NFIB: variants seen among roughly 807,000 people sequenced by gnomAD.
The protein encoded by NFIB is nuclear factor 1 B-type.
Under a neutral mutation model 61.5 loss-of-function variants are expected in NFIB, and 11 were observed. The observed-to-expected ratio is 0.18, with a 90% CI of 0.11 to 0.30. The LOEUF (loss-of-function observed/expected upper bound fraction) is 0.30, where lower values mean the gene tolerates loss of function less well. Among genes scored for constraint, NFIB ranks in the 10% least tolerant of loss-of-function variants. NFIB has a pLI of 1.00. For missense variants in NFIB, 471 were observed against 608.9 expected, an observed-to-expected ratio of 0.77 and a Z score of 2.38; for synonymous variants, 260 against 216.5, an observed-to-expected ratio of 1.20 and a Z score of -1.76.
At chr9:14,260,748 A>G (rs1271717491) in intron 2 of NFIB, among the ~76,000 whole-genome samples, 2 of 152,176 alleles carry the variant, frequency 1.3e-5, no homozygotes, top group African/African-American at 4.8e-5. Context: ...TTGACAACCA[A>G]TCACAGATCT....
chr9:14,136,293 TCAAA>T (rs940856351), intron 6 of NFIB, among the ~76,000 whole-genome samples: 2 of 152,130 alleles, frequency 1.3e-5, no homozygotes, highest in Admixed American at 6.6e-5. Flanking sequence ...AGAAAAAACA[TCAAA>T]CAATTATGCA....
At chr9:14,358,368 G>A (rs2061200919) in intron 1 of NFIB, among the ~76,000 whole-genome samples, 2 of 152,070 alleles carry the variant, frequency 1.3e-5, no homozygotes, top group Admixed American at 6.6e-5. Flanking sequence ...TGGGATAAAT[G>A]TGTCCAGGCT....
At chr9:14,470,091 A>C in the NFIB span, among the ~76,000 whole-genome samples, 3 of 152,242 alleles carry the variant, frequency 2.0e-5, no homozygotes, top group African/African-American at 7.2e-5. Context: ...TCTGTGCCTC[A>C]GTTTATTTAT....
intron 1 of NFIB, among the ~76,000 whole-genome samples, chr9:14,367,864 C>A (rs966359342): frequency 1.3e-5 from 2 of 152,116 alleles, no homozygotes; most frequent in African/African-American, 4.8e-5. Flanking sequence ...GAACATCACA[C>A]ACCGGGGCCT....
the NFIB span, among the ~76,000 whole-genome samples, chr9:14,488,231 C>T: frequency 6.6e-6 from 1 of 151,912 alleles, no homozygotes; most frequent in Admixed American, 6.6e-5. Flanking sequence ...GGTATAGTGG[C>T]CCAAGCCTGT....
At chr9:14,433,473 G>C in the NFIB span, among the ~76,000 whole-genome samples, 1 of 152,130 alleles carries the variant, frequency 6.6e-6, no homozygotes, top group East Asian at 1.9e-4. Context: ...TGCAATTACT[G>C]ATAAGGGACA....
chr9:14,275,494 G>C (rs1449105832), intron 2 of NFIB, among the ~76,000 whole-genome samples: 2 of 152,140 alleles, frequency 1.3e-5, no homozygotes, highest in East Asian at 3.9e-4. Flanking sequence ...TATCATGCCA[G>C]GCTAGGAAGA....
chr9:14,246,019 G>C (rs1311620832), intron 2 of NFIB, among the ~76,000 whole-genome samples: 1 of 151,864 alleles, frequency 6.6e-6, no homozygotes, highest in Non-Finnish European at 1.5e-5. Flanking sequence ...ACAGGAATGT[G>C]TGGTTGCACA....
chr9:14,270,545 G>A (rs1160804748), intron 2 of NFIB, among the ~76,000 whole-genome samples: 1 of 137,838 alleles, frequency 7.3e-6, no homozygotes, highest in Non-Finnish European at 1.5e-5. Context: ...TAGTGAAGGG[G>A]AGTGAGAGAT....
chr9:14,162,149 T>C (rs116967484), intron 3 of NFIB, among the ~76,000 whole-genome samples: 3,039 of 152,194 alleles, frequency 0.02, 36 homozygotes, highest in Non-Finnish European at 0.028. Context: ...TAAAAATATA[T>C]AAAATAGAAA....
At chr9:14,494,470 G>A in the NFIB span, among the ~76,000 whole-genome samples, 1 of 152,182 alleles carries the variant, frequency 6.6e-6, no homozygotes, top group African/African-American at 2.4e-5. Flanking sequence ...AAATGCTGCT[G>A]TATTGGGAGG....
intron 2 of NFIB, among the ~76,000 whole-genome samples, chr9:14,296,871 T>A (rs2059476764): frequency 6.6e-6 from 1 of 152,234 alleles, no homozygotes. Context: ...ATTCAAAGGA[T>A]GACAGAATAC....
At chr9:14,104,730 G>A (rs1287166882) in intron 10 of NFIB, among the ~76,000 whole-genome samples, 1 of 150,744 alleles carries the variant, frequency 6.6e-6, no homozygotes, top group Admixed American at 6.6e-5. Context: ...ACAGGTTCGT[G>A]CCACCATGCC....
At chr9:14,090,260 A>T (rs2033665636) in intron 10 of NFIB, among the ~76,000 whole-genome samples, 1 of 152,146 alleles carries the variant, frequency 6.6e-6, no homozygotes, top group Non-Finnish European at 1.5e-5. Flanking sequence ...TCAAAATCTG[A>T]TGAAAAATCG....
intron 2 of NFIB, among the ~76,000 whole-genome samples, chr9:14,284,968 T>C (rs1317221133): frequency 6.6e-6 from 1 of 152,046 alleles, no homozygotes; most frequent in Non-Finnish European, 1.5e-5. Context: ...AATTTCAAGG[T>C]CTCCTACATA....
intron 3 of NFIB, 100 bp from the exon 4 acceptor site, chr9:14,155,993 C>A (rs1390698138): frequency 3.3e-6 from 2 of 609,790 alleles, no homozygotes; most frequent in Non-Finnish European, 5.3e-6. Context: ...ATGGTTTGAA[C>A]AAAAACCAAA....
At chr9:14,194,471 T>C (rs922950006) in intron 2 of NFIB, among the ~76,000 whole-genome samples, 10 of 152,252 alleles carry the variant, frequency 6.6e-5, no homozygotes, top group Non-Finnish European at 1.3e-4. Context: ...TAAAGCCAGA[T>C]AGGAAAACGA....
chr9:14,472,092 A>G, the NFIB span, among the ~76,000 whole-genome samples: 5,366 of 152,264 alleles, frequency 0.035, 141 homozygotes, highest in Admixed American at 0.065. Flanking sequence ...GCGCAGAACA[A>G]TTTGTCTTGG....
intron 1 of NFIB, among the ~76,000 whole-genome samples, chr9:14,327,742 T>C (rs756673326): frequency 3.9e-5 from 6 of 152,250 alleles, no homozygotes; most frequent in Non-Finnish European, 8.8e-5. Flanking sequence ...ATAGTGTTCA[T>C]ATAGAAACCA....
Sources: allele counts gnomAD v4.1 joint callset (sites outside exome capture counted in the v4.1 genomes callset), GRCh38; gene constraint gnomAD v4.1.1; transcripts MANE v1.5; gene names NCBI Gene and HGNC (gene_info 2026-07-23, HGNC 2026-07-21).